ERG: variants seen among roughly 807,000 people sequenced by gnomAD.
The protein encoded by ERG is ETS transcription factor ERG, also known as transcriptional regulator ERG.
A neutral mutation model predicts 55.3 loss-of-function variants in ERG; 9 were observed. The ratio of observed to expected loss-of-function variants is 0.16; its 90% CI spans 0.10 to 0.28. The LOEUF (loss-of-function observed/expected upper bound fraction) is 0.28. ERG is among the 10% of genes least tolerant of loss of function. The pLI, the probability that ERG is intolerant of heterozygous loss-of-function variation, is 1.00. For missense variants in ERG, 434 were observed against 631.6 expected, an observed-to-expected ratio of 0.69 and a Z score of 3.35; for synonymous variants, 223 against 237.3, an observed-to-expected ratio of 0.94 and a Z score of 0.55.
In ERG at chr21:38,383,703, C is replaced by T. The variant is rs772797303; in HGVS notation, c.1140G>A (p.Lys380=). The change falls in exon 10 of 10, where the codon AAG becomes AAA. Residue 380 remains lysine (K), a synonymous_variant. Coordinates refer to ENST00000288319, the MANE Select transcript of ERG (RefSeq NM_182918.4). The surrounding 1 kb of genome is among the most constrained non-coding windows in gnomAD (Gnocchi z 5.7). ...RYYYDKNIMT[K]VHGKRYAYKF... is the part of the protein sequence containing the mutation. Reference sequence around the variant, plus strand: ...TGTAGGCGTAGCGCTTCCCATGGACCTTGGTCATGATGTTCTTGTCATAGT... The same window carrying T: ...TGTAGGCGTAGCGCTTCCCATGGACTTTGGTCATGATGTTCTTGTCATAGT... 2.5e-6 allele frequency: 4 copies of T among 1,614,148 alleles called. No individual in the cohort carries two copies. In the South Asian group the frequency reaches 3.3e-5, roughly 13 times the overall value.
intron 2 of ERG, among the ~76,000 whole-genome samples, chr21:38,443,293 A>C (rs1258731698): frequency 6.6e-6 from 1 of 152,152 alleles, no homozygotes; most frequent in Non-Finnish European, 1.5e-5. Context: ...TGTCCATCGG[A>C]AATCATCTCA....
chr21:38,396,044 T>A (rs1988195972), intron 6 of ERG, among the ~76,000 whole-genome samples: 1 of 151,884 alleles, frequency 6.6e-6, no homozygotes. Context: ...ACTCTGGAGG[T>A]TCCCTGGCTG....
At chr21:38,403,428 C>T in intron 4 of ERG, 78 bp downstream of exon 4, 1 of 1,421,700 alleles carries the variant, frequency 7.0e-7, no homozygotes, top group South Asian at 1.2e-5. Context: ...TGTCGACACA[C>T]CTGGTTGAAC....
chr21:38,554,108 A>G (rs1206017700), intron 2 of ERG, among the ~76,000 whole-genome samples: 1 of 152,238 alleles, frequency 6.6e-6, no homozygotes, highest in Non-Finnish European at 1.5e-5. Context: ...TCACTAGAGA[A>G]AAGCAAACCA....
upstream of ERG, among the ~76,000 whole-genome samples, chr21:38,585,491 T>C (rs1321732431): frequency 8.4e-5 from 12 of 143,552 alleles, no homozygotes; most frequent in Non-Finnish European, 1.5e-4. Context: ...TCTTACAATA[T>C]GCCTGTAGCA....
chr21:38,450,825 T>C lies in ERG; in HGVS notation c.19-5204A>G, dbSNP rs1359822846. The C allele has an allele frequency of 2.5e-5, 11 of 442,104 alleles. No homozygotes were observed. In the East Asian group the frequency reaches 2.8e-4, roughly 11 times the overall value. 27.4% of individuals were successfully genotyped at this position (442,104 alleles called of 1,614,324 possible). On this transcript the variant is annotated intron_variant, in intron 1 of 9. Coordinates refer to ENST00000288319, the MANE Select transcript of ERG (RefSeq NM_182918.4). ...TGATGGCAGATAAAATAATGGGACA[T>C]TTTATATCCAATGACATCTTACATT...
chr21:38,409,828 T>C (rs1198038462), intron 3 of ERG, among the ~76,000 whole-genome samples: 2 of 152,178 alleles, frequency 1.3e-5, no homozygotes, highest in Admixed American at 6.5e-5. Context: ...GCTAACAAGG[T>C]TGGATTTTCA....
chr21:38,468,842 G>A (rs563310802), intron 1 of ERG, among the ~76,000 whole-genome samples: 147 of 151,920 alleles, frequency 9.7e-4, no homozygotes, highest in African/African-American at 2.9e-3. Flanking sequence ...AAAATTAGCC[G>A]GGCGTGGTGG....
chr21:38,452,768 C>T (rs974267188), intron 1 of ERG, among the ~76,000 whole-genome samples: 1 of 152,224 alleles, frequency 6.6e-6, no homozygotes, highest in Admixed American at 6.5e-5. Context: ...CCAATTTTCC[C>T]GGCTCTGGAC....
intron 9 of ERG, 34 bp downstream of exon 9, chr21:38,390,961 T>C (rs2246468): frequency 0.092 from 146,382 of 1,587,114 alleles, 7,863 homozygotes; most frequent in Admixed American, 0.23. Flanking sequence ...CAAAAAGTAA[T>C]TTTGTAAGAA....
At chr21:38,519,343 CATT>C (rs1170222253) in intron 2 of ERG, among the ~76,000 whole-genome samples, 9 of 152,164 alleles carry the variant, frequency 5.9e-5, no homozygotes, top group Non-Finnish European at 1.2e-4. Context: ...AACAGGAAGC[CATT>C]ACTACCCTCA....
chr21:38,534,413 A>G (rs1281207713), intron 2 of ERG, among the ~76,000 whole-genome samples: 1 of 152,162 alleles, frequency 6.6e-6, no homozygotes, highest in Non-Finnish European at 1.5e-5. Context: ...TGACTTCAAC[A>G]TATAGTCTGC....
chr21:38,562,202 A>C (rs1283431709), intron 2 of ERG, among the ~76,000 whole-genome samples: 1 of 152,074 alleles, frequency 6.6e-6, no homozygotes, highest in African/African-American at 2.4e-5. Flanking sequence ...CTCAGTGTGT[A>C]GATATTATAT....
intron 1 of ERG, among the ~76,000 whole-genome samples, chr21:38,611,618 A>G (rs1424434300): frequency 6.6e-6 from 1 of 151,456 alleles, no homozygotes; most frequent in African/African-American, 2.4e-5. Flanking sequence ...CATGACTGTC[A>G]CTCTATAAAA....
At chr21:38,566,900 A>C (rs1007625449) in intron 2 of ERG, among the ~76,000 whole-genome samples, 2 of 152,006 alleles carry the variant, frequency 1.3e-5, no homozygotes, top group Non-Finnish European at 2.9e-5. Flanking sequence ...ATTTTAACCA[A>C]CTCCTCAGGG....
chr21:38,448,035 T>TG (rs2058908140), intron 1 of ERG, among the ~76,000 whole-genome samples: 1 of 152,178 alleles, frequency 6.6e-6, no homozygotes, highest in South Asian at 2.1e-4. Flanking sequence ...AAAGTAAGCT[T>TG]ACTTCTGCAA....
At chr21:38,428,867 G>A (rs890002291) in intron 2 of ERG, among the ~76,000 whole-genome samples, 1 of 152,090 alleles carries the variant, frequency 6.6e-6, no homozygotes, top group African/African-American at 2.4e-5. Flanking sequence ...CTCCTTTGAG[G>A]ACAAACAAAA....
At chr21:38,514,401 C>T (rs552710137) in intron 2 of ERG, among the ~76,000 whole-genome samples, 14 of 151,660 alleles carry the variant, frequency 9.2e-5, no homozygotes, top group South Asian at 8.3e-4. Flanking sequence ...ACAGTATATA[C>T]GACAATAATA....
intron 2 of ERG, among the ~76,000 whole-genome samples, chr21:38,571,574 T>A (rs1436742304): frequency 1.3e-5 from 2 of 151,998 alleles, no homozygotes; most frequent in Non-Finnish European, 2.9e-5. Context: ...TGGAACGGCC[T>A]GCAAAGAAAG....
Sources: allele counts gnomAD v4.1 joint callset (sites outside exome capture counted in the v4.1 genomes callset), GRCh38; gene constraint gnomAD v4.1.1; non-coding constraint Gnocchi (gnomAD v3.1); transcripts MANE v1.5; gene names NCBI Gene and HGNC (gene_info 2026-07-23, HGNC 2026-07-21).